The following PRR16 variants were observed in gnomAD, a reference collection of about 807,000 sequenced individuals.
PRR16 encodes proline rich 16.
PRR16 carries 6 observed loss-of-function variants against 18.2 expected under a neutral mutation model. That is an observed-to-expected ratio of 0.33 (90% CI 0.18 to 0.65). The LOEUF (loss-of-function observed/expected upper bound fraction) is 0.65. PRR16 is among the 30% of genes least tolerant of loss of function. PRR16 has a pLI of 0.74. For missense variants in PRR16, 412 were observed against 376.6 expected, an observed-to-expected ratio of 1.09 and a Z score of -0.78; for synonymous variants, 151 against 147.8, an observed-to-expected ratio of 1.02 and a Z score of -0.16.
chr5:120,664,424 G>A (rs1251614228), intron 1 of PRR16, among the ~76,000 whole-genome samples: 6 of 150,700 alleles, frequency 4.0e-5, no homozygotes, highest in African/African-American at 1.5e-4. Context: ...TAGATGCGAT[G>A]AGGCAATGAA....
chr5:120,575,272 A>G (rs1753035949), intron 1 of PRR16, among the ~76,000 whole-genome samples: 1 of 150,890 alleles, frequency 6.6e-6, no homozygotes. Context: ...GATTATTCAA[A>G]TAATCAAAAA....
At chr5:120,543,663 C>G (rs917886806) in intron 1 of PRR16, among the ~76,000 whole-genome samples, 2 of 152,160 alleles carry the variant, frequency 1.3e-5, no homozygotes, top group African/African-American at 4.8e-5. Flanking sequence ...GTCCATATTA[C>G]TGATAGATCA....
chr5:120,785,376 G>C, the PRR16 span, among the ~76,000 whole-genome samples: 3 of 152,134 alleles, frequency 2.0e-5, no homozygotes, highest in South Asian at 6.2e-4. Context: ...AGAATGCCCA[G>C]CATCAAGAAA....
chr5:120,650,104 G>A (rs1049093619), intron 1 of PRR16, among the ~76,000 whole-genome samples: 4 of 151,670 alleles, frequency 2.6e-5, no homozygotes, highest in African/African-American at 9.7e-5. Context: ...TGTAGTGGCA[G>A]CTACTCAGGA....
chr5:120,516,484 G>GAC (rs149936115), intron 1 of PRR16, among the ~76,000 whole-genome samples: 4,820 of 136,404 alleles, frequency 0.035, 165 homozygotes, highest in East Asian at 0.2. Flanking sequence ...AGGAGGGAAG[G>GAC]ACACACACAC....
chr5:120,575,107 A>G (rs1281974956), intron 1 of PRR16, among the ~76,000 whole-genome samples: 3 of 136,412 alleles, frequency 2.2e-5, no homozygotes, highest in Admixed American at 6.9e-5. Context: ...TTATACATTA[A>G]TCTTTGTCAA....
At chr5:120,516,673 A>C (rs1436363763) in intron 1 of PRR16, among the ~76,000 whole-genome samples, 1 of 152,166 alleles carries the variant, frequency 6.6e-6, no homozygotes, top group Non-Finnish European at 1.5e-5. Flanking sequence ...GTCAGGCTCT[A>C]ATCAAATAAG....
At chr5:120,495,302 A>G (rs1281815230) in intron 1 of PRR16, among the ~76,000 whole-genome samples, 14 of 151,948 alleles carry the variant, frequency 9.2e-5, no homozygotes, top group Admixed American at 7.9e-4. Context: ...ATTTCTACCT[A>G]TTTTTTTGAG....
At chr5:120,603,212 G>A (rs909278643) in intron 1 of PRR16, among the ~76,000 whole-genome samples, 1 of 151,924 alleles carries the variant, frequency 6.6e-6, no homozygotes, top group Non-Finnish European at 1.5e-5. Flanking sequence ...CTGGTTGGTA[G>A]GTTTTGTATT....
chr5:120,770,055 T>C, the PRR16 span, among the ~76,000 whole-genome samples: 2 of 152,092 alleles, frequency 1.3e-5, no homozygotes, highest in East Asian at 3.9e-4. Flanking sequence ...AATTGGGTTA[T>C]TGTTAATTGT....
chr5:120,765,361 A>G, the PRR16 span, among the ~76,000 whole-genome samples: 1 of 152,166 alleles, frequency 6.6e-6, no homozygotes, highest in East Asian at 1.9e-4. Flanking sequence ...ACGTGTATAA[A>G]TAACAGTTGT....
intron 1 of PRR16, among the ~76,000 whole-genome samples, chr5:120,520,457 A>G (rs1303622996): frequency 1.3e-5 from 2 of 152,328 alleles, no homozygotes; most frequent in Admixed American, 6.5e-5. Flanking sequence ...AAATTATAGT[A>G]AAATCAGAAT....
the PRR16 span, among the ~76,000 whole-genome samples, chr5:120,708,250 T>C: frequency 1.3e-5 from 2 of 152,318 alleles, no homozygotes; most frequent in Admixed American, 6.5e-5. Flanking sequence ...GTGTTGTTCA[T>C]TACTCCTTGC....
chr5:120,731,434 A>G, the PRR16 span, among the ~76,000 whole-genome samples: 2 of 152,056 alleles, frequency 1.3e-5, no homozygotes, highest in Admixed American at 6.6e-5. Context: ...ATAGAAACCA[A>G]TTGTATATAC....
At chr5:120,745,355 C>T in the PRR16 span, among the ~76,000 whole-genome samples, 1 of 152,256 alleles carries the variant, frequency 6.6e-6, no homozygotes, top group African/African-American at 2.4e-5. Flanking sequence ...TAAGATCAAC[C>T]ATTTTCCTTT....
rs529285052 is a variant in PRR16, at chr5:120,573,938, C to G, written c.159+109293C>G. ...ATATATCAAACACCATTTAGTATAG[C>G]AAAAATGGTATAAATTAATGATATA... is the stretch of plus-strand genomic sequence containing the variant. On this transcript the variant is annotated intron_variant, in intron 1 of 1. Transcript: ENST00000407149. Among the ~76,000 whole-genome samples the G allele has an allele frequency of 8.0e-5, 12 of 150,552 alleles. No homozygotes were observed. In the South Asian group the frequency reaches 2.5e-3, roughly 32 times the overall value.
At chr5:120,656,171 C>T (rs1561597600) in intron 1 of PRR16, among the ~76,000 whole-genome samples, 1 of 151,766 alleles carries the variant, frequency 6.6e-6, no homozygotes, top group Non-Finnish European at 1.5e-5. Flanking sequence ...GCCTTCTTAC[C>T]ACATTATGAA....
At chr5:120,558,227 C>T (rs1288273954) in intron 1 of PRR16, among the ~76,000 whole-genome samples, 1 of 151,684 alleles carries the variant, frequency 6.6e-6, no homozygotes, top group Non-Finnish European at 1.5e-5. Flanking sequence ...CTGTCAAATA[C>T]TAGGTCTTAT....
chr5:120,493,026 C>T (rs1288639694), intron 1 of PRR16, among the ~76,000 whole-genome samples: 1 of 152,164 alleles, frequency 6.6e-6, no homozygotes, highest in Admixed American at 6.5e-5. Flanking sequence ...AATGTGTGTG[C>T]AAGTGTCTTT....
Sources: allele counts gnomAD v4.1 joint callset (sites outside exome capture counted in the v4.1 genomes callset), GRCh38; gene constraint gnomAD v4.1.1; transcripts MANE v1.5; gene names NCBI Gene and HGNC (gene_info 2026-07-23, HGNC 2026-07-21).